Variants in MGAM observed in about 807,000 individuals in gnomAD.
MGAM encodes alpha-1,4-glucosidase.
Under a neutral mutation model 358.8 loss-of-function variants are expected in MGAM, and 253 were observed. The observed-to-expected ratio is 0.71, with a 90% CI of 0.64 to 0.78. The LOEUF (loss-of-function observed/expected upper bound fraction) is 0.78, where lower values mean the gene tolerates loss of function less well. Ranked by LOEUF, MGAM falls within the 30% of genes least tolerant of loss-of-function variation. The pLI, the probability that MGAM is intolerant of heterozygous loss-of-function variation, is 0.00. For synonymous variants in MGAM, 1,105 were observed against 1,227.1 expected (o/e 0.90, Z 2.08); for missense variants, 3,080 against 3,432.6 (o/e 0.90, Z 2.57).
Position 142,100,343 on chromosome 7 carries a change from T to C in MGAM, c.7875-459T>C, listed in dbSNP as rs374404874. 2.3e-3 allele frequency among the ~76,000 whole-genome samples: 344 copies of C among 152,338 alleles called. 2 individuals carry two copies. The highest frequency in any genetic ancestry group is 7.9e-3 in the African/African-American group (327 of 41,582). ...GTCACACAGCTACTAAGTACATGAA[T>C]GCGGACTAAAATTCACATCTCTCTG... On this transcript the variant is annotated intron_variant, in intron 67 of 70. Transcript: ENST00000475668.
chr7:142,004,367 A>G (rs1338374920), intron 1 of MGAM: 4 of 152,060 alleles, frequency 2.6e-5, no homozygotes, highest in Non-Finnish European at 5.9e-5. Context: ...ATCCATAAAA[A>G]ACAATGAAAT....
At position 142,075,464 on chromosome 7, in the gene MGAM, G is replaced by A. The variant is rs568928014; in HGVS notation, c.5276-739G>A. Reference sequence around the variant, plus strand: ...GACTACATCAAACTAAAAGGCTCCTGCACAGCAAAAGAAACAATCAACAAC... The same window carrying A: ...GACTACATCAAACTAAAAGGCTCCTACACAGCAAAAGAAACAATCAACAAC... On this transcript the variant is annotated intron_variant, in intron 45 of 70. Transcript: ENST00000475668. 7.5e-5 allele frequency among the ~76,000 whole-genome samples: 11 copies of A among 146,474 alleles called. 1 individual carries two copies. In the East Asian group the frequency reaches 2.2e-3, roughly 29 times the overall value.
intron 1 of MGAM, among the ~76,000 whole-genome samples, chr7:142,005,106 G>A (rs28514687): frequency 1.3e-5 from 2 of 151,866 alleles, no homozygotes; most frequent in Non-Finnish European, 2.9e-5. Flanking sequence ...AATTACAAGA[G>A]ATAAATCTTA....
Position 142,091,250 on chromosome 7 carries a change from C to CAA in MGAM, c.6811-649_6811-648dup, listed in dbSNP as rs34993763. Among the ~76,000 whole-genome samples, 51 of 86,750 alleles carry CAA rather than the reference C, an allele frequency of 5.9e-4. 2 individuals carry two copies. Among genetic ancestry groups the CAA allele is most frequent in the African/African-American group, 9.4e-4 (23 of 24,412 alleles). 56.9% of individuals were successfully genotyped at this position (86,750 alleles called of 152,430 possible). The stretch of plus-strand genomic sequence containing the variant: ...TGGGTGACAGAGCAAGACTCTGTCT[C>CAA]AAAAAAAAAAAAAAAGAAGTTGTAC... On this transcript the variant is annotated intron_variant, in intron 57 of 70. Transcript: ENST00000475668.
intron 16 of MGAM, among the ~76,000 whole-genome samples, 181 bp from the exon 17 acceptor site, chr7:142,035,988 A>G (rs1807954255): frequency 6.6e-6 from 1 of 152,100 alleles, no homozygotes; most frequent in African/African-American, 2.4e-5. Context: ...AGGGTTAGGT[A>G]ACTTACTCAA....
At position 142,022,432 on chromosome 7, in the gene MGAM, C is replaced by G; in HGVS notation, c.875C>G (p.Pro292Arg). ...TWPIFNRDTT[P>R]NGNGTNLYGA... is the part of the protein sequence containing the mutation. The stretch of plus-strand genomic sequence containing the variant: ...CCCATATTTAACAGAGACACAACTC[C>G]CAATGGAGTAAGCTTTCAAATGGGC... Residue 292 changes from proline to arginine, a missense_variant, in exon 7 of 71, where the codon CCC (proline) becomes CGC (arginine). By Grantham distance (103) the Pro-to-Arg change is moderately radical. Transcript: ENST00000475668. 5 of 1,612,728 alleles carry G rather than the reference C, an allele frequency of 3.1e-6. No homozygotes were observed. Among genetic ancestry groups the G allele is most frequent in the Non-Finnish European group, 4.2e-6 (5 of 1,179,182 alleles).
chr7:142,075,962 A>G (rs1232149267), intron 45 of MGAM, among the ~76,000 whole-genome samples: 1 of 146,284 alleles, frequency 6.8e-6, no homozygotes, highest in Non-Finnish European at 1.6e-5. Context: ...TGAAACCAGT[A>G]TCTTTAAGAG....
intron 66 of MGAM, 37 bp downstream of exon 66, chr7:142,097,686 T>A (rs1816059098): frequency 6.4e-7 from 1 of 1,562,920 alleles, no homozygotes; most frequent in African/African-American, 1.4e-5. Flanking sequence ...CACGGGAAAA[T>A]GGTAGAGAGT....
chr7:141,996,813 T>C (rs1804272731), intron 1 of MGAM, among the ~76,000 whole-genome samples: 1 of 152,034 alleles, frequency 6.6e-6, no homozygotes, highest in South Asian at 2.1e-4. Flanking sequence ...TATGAGTTGG[T>C]GTGCATTGGT....
At chr7:142,050,891 A>G (rs749289960) in intron 24 of MGAM, 27 bp downstream of exon 24, 2 of 1,613,140 alleles carry the variant, frequency 1.2e-6, no homozygotes, top group East Asian at 2.2e-5. Context: ...TTGAGATGGT[A>G]CATTGAGAAT....
rs1301073485 is a variant in MGAM at position 142,091,967 on chromosome 7, T to C, written c.6865T>C (p.Trp2289Arg). ...CTTTTTCCGTAATTCAACTGCCAAGTGGTGGAAGAGGGAAATAGAAGAACT... is the reference window on the plus strand; with the variant it reads ...CTTTTTCCGTAATTCAACTGCCAAGCGGTGGAAGAGGGAAATAGAAGAACT... The part of the protein sequence containing the change: ...PDFFRNSTAK[W>R]WKREIEELYN... The change falls in exon 58 of 71, where the codon TGG becomes CGG. Residue 2289 changes from tryptophan (W) to arginine (R), a missense_variant. Trp to Arg is a moderately radical substitution (Grantham distance 101). Coordinates refer to ENST00000475668, the MANE Select transcript of MGAM (RefSeq NM_001365693.1). The C allele has an allele frequency of 6.5e-7, 1 of 1,537,594 alleles. No homozygotes were observed. The highest frequency in any genetic ancestry group is 8.9e-7 in the Non-Finnish European group (1 of 1,120,108).
rs187130349 is a variant in MGAM at position 142,086,257 on chromosome 7, G to A, written c.6676G>A (p.Ala2226Thr). 13 of 1,544,264 alleles carry A rather than the reference G, an allele frequency of 8.4e-6. No homozygotes were observed. In the African/African-American group the frequency reaches 1.6e-4, roughly 19 times the overall value. The change falls in exon 56 of 71, where the codon GCC becomes ACC. Residue 2226 changes from alanine to threonine, a missense_variant. By Grantham distance (58) the Ala-to-Thr change is moderately conservative (BLOSUM62 0). Transcript: ENST00000475668. ...TGGCAATGAGACACAGCCCTATCCT[G>A]CCTTCACTCGGGGCGTGGAGGATGA... ...ISGNETQPYP[A>T]FTRGVEDDVF...
intron 3 of MGAM, among the ~76,000 whole-genome samples, chr7:142,014,774 TGATA>T (rs1805841521): frequency 6.6e-6 from 1 of 152,162 alleles, no homozygotes; most frequent in Non-Finnish European, 1.5e-5. Flanking sequence ...TTAACTATGT[TGATA>T]GATATCTCTA....
At chr7:142,040,242 G>C in intron 20 of MGAM, 71 bp downstream of exon 20, 1 of 1,240,546 alleles carries the variant, frequency 8.1e-7, no homozygotes, top group East Asian at 2.4e-5. Flanking sequence ...CTACCTTTCT[G>C]GAGAGAGAAA....
chr7:141,989,295 CT>C (rs1803841048), intron 2 of MGAM, among the ~76,000 whole-genome samples: 1 of 152,106 alleles, frequency 6.6e-6, no homozygotes, highest in Non-Finnish European at 1.5e-5. Flanking sequence ...GCTAATGATA[CT>C]GCTTGTTGGA....
intron 19 of MGAM, 101 bp downstream of exon 19, chr7:142,038,716 G>A (rs1808239792): frequency 1.2e-6 from 1 of 814,778 alleles, no homozygotes; most frequent in Admixed American, 3.0e-5. Context: ...TCTGACATCT[G>A]TGACTGAGTC....
intron 57 of MGAM, among the ~76,000 whole-genome samples, chr7:142,088,917 C>G (rs916168311): frequency 1.4e-5 from 2 of 143,176 alleles, no homozygotes; most frequent in African/African-American, 4.9e-5. Flanking sequence ...CTATCCAAAT[C>G]CCTCTTCTGT....
chr7:142,081,246 T>TA (rs1814242704), intron 50 of MGAM, among the ~76,000 whole-genome samples: 1 of 146,364 alleles, frequency 6.8e-6, no homozygotes, highest in Non-Finnish European at 1.5e-5. Context: ...AAATAATAAG[T>TA]AAATAACAGA....
Position 142,087,079 on chromosome 7 carries a change from A to G in MGAM, c.6810+362A>G, listed in dbSNP as rs1250400356. Among the ~76,000 whole-genome samples the G allele has an allele frequency of 3.7e-4, 39 of 104,690 alleles. 2 individuals are homozygous for G. The highest frequency in any genetic ancestry group is 9.5e-4 in the African/African-American group (27 of 28,534). The allele number at this position is 104,690 out of a possible 152,430, so 68.7% of individuals were successfully genotyped here. ...AGTGCCATCTTTTCTCTGAACTGGT[A>G]TACTTAACTGTTGTTGCCTTGGTTA... On this transcript the variant is annotated intron_variant, in intron 57 of 70. Transcript: ENST00000475668.
Sources: allele counts gnomAD v4.1 joint callset (sites outside exome capture counted in the v4.1 genomes callset), GRCh38; gene constraint gnomAD v4.1.1; transcripts MANE v1.5; gene names NCBI Gene and HGNC (gene_info 2026-07-23, HGNC 2026-07-21).